NOTCH2: variants seen among roughly 807,000 people sequenced by gnomAD.
The protein encoded by NOTCH2 is neurogenic locus notch homolog protein 2.
A neutral mutation model predicts 235.8 loss-of-function variants in NOTCH2; 29 were observed. That is an observed-to-expected ratio of 0.12 (90% confidence interval 0.09 to 0.17). The LOEUF is 0.17. NOTCH2 is among the 10% of genes least tolerant of loss of function. The pLI is 1.00. For missense variants in NOTCH2, 2,285 were observed against 3,150.2 expected, an observed-to-expected ratio of 0.73 and a Z score of 6.57; for synonymous variants, 1,086 against 1,141.5, an observed-to-expected ratio of 0.95 and a Z score of 0.98.
chr1:119,973,086 A>C (rs1424921979), intron 5 of NOTCH2, among the ~76,000 whole-genome samples: 1 of 152,224 alleles, frequency 6.6e-6, no homozygotes, highest in Non-Finnish European at 1.5e-5. Context: ...TGGACCATGC[A>C]TCTGTTCGAT....
chr1:119,982,564 C>A (rs1039345372), intron 5 of NOTCH2, among the ~76,000 whole-genome samples: 3 of 152,206 alleles, frequency 2.0e-5, no homozygotes, highest in Non-Finnish European at 2.9e-5. Context: ...GGATATCTGC[C>A]AGAGCAGAAC....
intron 16 of NOTCH2, among the ~76,000 whole-genome samples, chr1:119,948,784 T>C (rs1650352746): frequency 6.6e-6 from 1 of 152,060 alleles, no homozygotes; most frequent in Non-Finnish European, 1.5e-5. Context: ...CTTGTGAGGC[T>C]TAGGTTGCAG....
chr1:120,010,523 C>T (rs1353687895), intron 2 of NOTCH2, among the ~76,000 whole-genome samples: 1 of 151,084 alleles, frequency 6.6e-6, no homozygotes, highest in East Asian at 1.9e-4. Flanking sequence ...CCACCATTTA[C>T]TCAATGTGTA....
intron 5 of NOTCH2, 130 bp downstream of exon 5, chr1:119,986,830 G>T: frequency 8.9e-7 from 1 of 1,127,532 alleles, no homozygotes; most frequent in Non-Finnish European, 1.3e-6. Flanking sequence ...CTAGCATGGA[G>T]ATCCTGCTCA....
intron 3 of NOTCH2, among the ~76,000 whole-genome samples, chr1:120,000,287 G>A (rs1348157758): frequency 6.6e-6 from 1 of 152,110 alleles, no homozygotes; most frequent in African/African-American, 2.4e-5. Flanking sequence ...TGTAATCCCA[G>A]CACTTTGGGA....
At chr1:119,932,870 C>T (rs980401922) in intron 22 of NOTCH2, among the ~76,000 whole-genome samples, 3 of 152,022 alleles carry the variant, frequency 2.0e-5, no homozygotes, top group African/African-American at 4.8e-5. Flanking sequence ...CCAAAAGTGG[C>T]GATTACATGT....
Position 120,069,473 on chromosome 1 carries a change from C to T in NOTCH2, c.-67G>A. Reference sequence around the variant, plus strand: ...GGGCAGATCCACATGGGGAGGGGGTCCCGATAGAGGAGCCCCACTCTCTCC... The same window carrying T: ...GGGCAGATCCACATGGGGAGGGGGTTCCGATAGAGGAGCCCCACTCTCTCC... On this transcript the variant is annotated 5_prime_UTR_variant, in exon 1 of 34. Transcript: ENST00000256646. 1 of 1,504,536 alleles carries T rather than the reference C, an allele frequency of 6.6e-7. No individual in the cohort carries two copies. The highest frequency in any genetic ancestry group is 1.2e-5 in the South Asian group (1 of 81,918). 93.2% of individuals were successfully genotyped at this position (1,504,536 alleles called of 1,614,324 possible). A position where few individuals can be genotyped will look rare whatever the true frequency, so the allele number is the denominator to read the frequency against.
rs2101158584 is a variant in NOTCH2, at chr1:119,923,630, C to T, written c.4859+7G>A. 1 of 1,613,302 alleles carries T rather than the reference C, an allele frequency of 6.2e-7. No homozygotes were observed. The highest frequency in any genetic ancestry group is 8.5e-7 in the Non-Finnish European group (1 of 1,179,556). ...TTAGCCTTGAAGTTCAGAAACCAAA[C>T]ACCTACCCAGCCACCTCCTGTTCTT... is the stretch of plus-strand genomic sequence containing the variant. On this transcript the variant is annotated splice_region_variant and intron_variant, in intron 26 of 33. Transcript: ENST00000256646.
intron 2 of NOTCH2, among the ~76,000 whole-genome samples, chr1:120,014,703 C>A (rs1553207602): frequency 8.7e-6 from 1 of 114,502 alleles, no homozygotes; most frequent in African/African-American, 3.5e-5. Flanking sequence ...ATAGCAATTC[C>A]AATCTATCTG....
At chr1:120,015,338 C>T (rs1653397612) in intron 2 of NOTCH2, among the ~76,000 whole-genome samples, 1 of 152,118 alleles carries the variant, frequency 6.6e-6, no homozygotes, top group Non-Finnish European at 1.5e-5. Flanking sequence ...GCAGCCTGCC[C>T]TAGCTGAGCT....
intron 5 of NOTCH2, among the ~76,000 whole-genome samples, chr1:119,973,878 G>A (rs1553200637): frequency 6.6e-6 from 1 of 152,188 alleles, no homozygotes. Flanking sequence ...TAACTGCAGT[G>A]TATTCTTTGG....
chr1:120,010,058 A>C (rs1239352852), intron 2 of NOTCH2, among the ~76,000 whole-genome samples: 2 of 152,198 alleles, frequency 1.3e-5, no homozygotes, highest in African/African-American at 4.8e-5. Flanking sequence ...CTTCCCAAGA[A>C]ACTTTAATTA....
rs1650626263 is a variant in NOTCH2 at position 119,954,895 on chromosome 1, C to G, written c.2219+145G>C. ...AGCTTCCATGGATTAAATGGTAATT[C>G]AGAAGGCTTTGATGCAGACTACCAA... On this transcript the variant is annotated intron_variant, in intron 13 of 33. Coordinates refer to ENST00000256646, the MANE Select transcript of NOTCH2 (RefSeq NM_024408.4). The G allele has an allele frequency of 1.2e-5, 9 of 775,162 alleles. No homozygotes were observed. The South Asian group carries it at 1.2e-4, about 10-fold the overall frequency. The allele number at this position is 775,162 out of a possible 1,614,324, so 48.0% of individuals were successfully genotyped here.
chr1:120,010,732 G>A (rs1246464731), intron 2 of NOTCH2, among the ~76,000 whole-genome samples: 1 of 152,244 alleles, frequency 6.6e-6, no homozygotes, highest in Non-Finnish European at 1.5e-5. Context: ...CCCACTGTGA[G>A]AAAGCTCTTT....
At chr1:119,982,128 CA>C (rs1269423881) in intron 5 of NOTCH2, among the ~76,000 whole-genome samples, 5 of 152,154 alleles carry the variant, frequency 3.3e-5, no homozygotes, top group African/African-American at 1.2e-4. Context: ...TGCCAACTCA[CA>C]TCAAACATTT....
rs1553209597 is a variant in NOTCH2, at chr1:120,024,621, GTTATATT to G, written c.155+5278_155+5284del. Among the ~76,000 whole-genome samples the G allele has an allele frequency of 2.1e-5, 3 of 141,218 alleles. No individual in the cohort carries two copies. In the South Asian group the frequency reaches 7.3e-4, roughly 35 times the overall value. 92.6% of individuals were successfully genotyped at this position (141,218 alleles called of 152,430 possible). ...AGTTTTAGACAAAATGTGACACAAA[GTTATATT>G]TTATAACACTTTATATTTATAATAA... On this transcript the variant is annotated intron_variant, in intron 2 of 33. Transcript: ENST00000256646.
chr1:120,047,765 G>GTT (rs782246481), intron 1 of NOTCH2, among the ~76,000 whole-genome samples: 10 of 109,274 alleles, frequency 9.2e-5, no homozygotes, highest in African/African-American at 3.0e-4. Flanking sequence ...CTTTACCTTG[G>GTT]TTTTTTTTTT....
At chr1:120,038,039 A>G (rs1553212184) in intron 1 of NOTCH2, among the ~76,000 whole-genome samples, 1 of 152,140 alleles carries the variant, frequency 6.6e-6, no homozygotes, top group Non-Finnish European at 1.5e-5. Context: ...ATAATATTGA[A>G]CTTATTGCAA....
intron 6 of NOTCH2, among the ~76,000 whole-genome samples, chr1:119,969,015 T>C (rs190521245): frequency 7.9e-4 from 120 of 152,342 alleles, no homozygotes; most frequent in Middle Eastern, 6.8e-3. Flanking sequence ...AGTTGTTAAA[T>C]TGAGAGGCTA....
Sources: allele counts gnomAD v4.1 joint callset (sites outside exome capture counted in the v4.1 genomes callset), GRCh38; gene constraint gnomAD v4.1.1; transcripts MANE v1.5; gene names NCBI Gene and HGNC (gene_info 2026-07-23, HGNC 2026-07-21).